Variants in TIAM1 observed in about 807,000 individuals in gnomAD.
TIAM1 encodes rho guanine nucleotide exchange factor TIAM1.
A neutral mutation model predicts 163.5 loss-of-function variants in TIAM1; 65 were observed. That is an observed-to-expected ratio of 0.40 (90% CI 0.33 to 0.49). The LOEUF is 0.49. TIAM1 is among the 20% of genes least tolerant of loss of function. The pLI is 0.77. For missense variants in TIAM1, 1,789 were observed against 2,044.7 expected (o/e 0.87, Z 2.41); for synonymous variants, 833 against 810.1 (o/e 1.03, Z -0.48).
rs558266931 is a variant in TIAM1, at chr21:31,539,240, A to G, written c.-422+19687T>C. Among the ~76,000 whole-genome samples the G allele has an allele frequency of 1.2e-4, 18 of 150,608 alleles. 1 individual carries two copies. The South Asian group carries it at 3.3e-3, about 28-fold the overall frequency. On this transcript the variant is annotated intron_variant, in intron 1 of 28. Coordinates refer to the TIAM1 transcript ENST00000286827. ...ATTCTGAGGCACTGGATTGTATTAA[A>G]TGACAGGGGAAGAGAGGGAATGGGT...
intron 2 of TIAM1, among the ~76,000 whole-genome samples, chr21:31,438,724 TC>T (rs1419434986): frequency 1.3e-5 from 2 of 152,202 alleles, no homozygotes; most frequent in Non-Finnish European, 2.9e-5. Flanking sequence ...AAAGTCTCTG[TC>T]TCAGTGCTAT....
chr21:31,210,590 G>GAAAGAAAGAA (rs2086697454), intron 10 of TIAM1, among the ~76,000 whole-genome samples: 1 of 105,326 alleles, frequency 9.5e-6, no homozygotes, highest in African/African-American at 5.1e-5. Context: ...AAGAAAGAAA[G>GAAAGAAAGAA]AAAGAGAGAA....
intron 19 of TIAM1, among the ~76,000 whole-genome samples, chr21:31,147,732 A>T (rs2083194744): frequency 7.0e-6 from 1 of 143,666 alleles, no homozygotes; most frequent in South Asian, 2.1e-4. Context: ...AAAATATATA[A>T]TATATAAAAA....
chr21:31,384,234 T>C (rs139490692), intron 2 of TIAM1, among the ~76,000 whole-genome samples: 206 of 150,340 alleles, frequency 1.4e-3, no homozygotes, highest in Non-Finnish European at 2.4e-3. Flanking sequence ...AGGATGGAAA[T>C]AGAAGTAATC....
chr21:31,226,042 G>T, intron 6 of TIAM1, 92 bp from the exon 7 acceptor site: 1 of 1,116,904 alleles, frequency 9.0e-7, no homozygotes, highest in Non-Finnish European at 1.3e-6. Context: ...CAATGCCTGG[G>T]AGTCGAGGTG....
intron 2 of TIAM1, among the ~76,000 whole-genome samples, chr21:31,287,953 G>C (rs573131547): frequency 6.6e-6 from 1 of 152,260 alleles, no homozygotes; most frequent in Non-Finnish European, 1.5e-5. Flanking sequence ...GGAGTAGTGA[G>C]AATGACAGGT....
chr21:31,388,410 G>A (rs2076915289), intron 2 of TIAM1, among the ~76,000 whole-genome samples: 1 of 152,092 alleles, frequency 6.6e-6, no homozygotes, highest in Non-Finnish European at 1.5e-5. Flanking sequence ...GGAGGCTGAG[G>A]CAGGAGGATC....
chr21:31,423,082 A>G (rs747517214), intron 2 of TIAM1, among the ~76,000 whole-genome samples: 21 of 145,380 alleles, frequency 1.4e-4, no homozygotes, highest in Non-Finnish European at 2.1e-4. Flanking sequence ...AACTGTGAAC[A>G]GCACTATCTT....
chr21:31,123,673 C>T (rs2082081007), intron 27 of TIAM1, among the ~76,000 whole-genome samples: 1 of 152,188 alleles, frequency 6.6e-6, no homozygotes, highest in African/African-American at 2.4e-5. Flanking sequence ...AGAAACTTTT[C>T]TGGCAAGTGC....
At chr21:31,334,538 C>T (rs758432637) in intron 2 of TIAM1, among the ~76,000 whole-genome samples, 19 of 152,156 alleles carry the variant, frequency 1.2e-4, no homozygotes, top group Non-Finnish European at 1.9e-4. Flanking sequence ...CACCTAACTG[C>T]GCTATCTTGA....
chr21:31,192,773 G>T (rs1284960222), intron 13 of TIAM1, among the ~76,000 whole-genome samples: 1 of 152,088 alleles, frequency 6.6e-6, no homozygotes, highest in African/African-American at 2.4e-5. Context: ...TGTGTGACTT[G>T]CTTTGGCCAA....
At chr21:31,125,029 T>G (rs1183456193) in intron 26 of TIAM1, among the ~76,000 whole-genome samples, 1 of 152,172 alleles carries the variant, frequency 6.6e-6, no homozygotes, top group African/African-American at 2.4e-5. Flanking sequence ...TAAAATGTTT[T>G]TGAGGGCAAA....
chr21:31,446,734 G>A (rs1428897876), intron 2 of TIAM1, among the ~76,000 whole-genome samples: 1 of 152,148 alleles, frequency 6.6e-6, no homozygotes, highest in Non-Finnish European at 1.5e-5. Context: ...AGCAGCAGCC[G>A]GGCCACGCTC....
chr21:31,333,703 G>C (rs566477871), intron 2 of TIAM1, among the ~76,000 whole-genome samples: 11 of 152,318 alleles, frequency 7.2e-5, no homozygotes, highest in African/African-American at 2.4e-4. Flanking sequence ...GCCTCCCAAA[G>C]TGCTGGGACT....
At chr21:31,323,688 G>C (rs965794579) in intron 2 of TIAM1, among the ~76,000 whole-genome samples, 2 of 151,908 alleles carry the variant, frequency 1.3e-5, no homozygotes, top group Non-Finnish European at 2.9e-5. Context: ...AAAATTAGCT[G>C]GGTATGGTGG....
At position 31,141,265 on chromosome 21, in the gene TIAM1, G is replaced by A. The variant is rs2082832448; in HGVS notation, c.3656-29C>T. On this transcript the variant is annotated intron_variant, in intron 21 of 27. Transcript: ENST00000541036. This position sits in a 1 kb window ranked among gnomAD's most constrained non-coding sequence, Gnocchi z 4.7. ...GAAGAAAACAGGTTGTGAAATGAGA[G>A]GCTATTTAGAGACCCTCATGGAGAC... 6.2e-7 allele frequency: 1 copy of A among 1,613,802 alleles called. No individual in the cohort carries two copies. Among genetic ancestry groups the A allele is most frequent in the Non-Finnish European group, 8.5e-7 (1 of 1,179,878 alleles).
intron 20 of TIAM1, among the ~76,000 whole-genome samples, chr21:31,142,359 T>C (rs896119386): frequency 2.7e-5 from 4 of 150,710 alleles, no homozygotes; most frequent in African/African-American, 9.8e-5. Flanking sequence ...GGCTCATGAA[T>C]GTAATCCTAG....
At chr21:31,265,704 A>T (rs2072718965) in intron 4 of TIAM1, among the ~76,000 whole-genome samples, 1 of 152,236 alleles carries the variant, frequency 6.6e-6, no homozygotes, top group African/African-American at 2.4e-5. Flanking sequence ...AATAAGTGGG[A>T]TGCTGTTGAA....
intron 5 of TIAM1, among the ~76,000 whole-genome samples, chr21:31,250,151 G>GAA (rs755928120): frequency 0.026 from 1,538 of 58,844 alleles, 57 homozygotes; most frequent in African/African-American, 0.079. Flanking sequence ...GTCTCAAACA[G>GAA]AAAAAAAAAA....
Sources: gnomAD v4.1 joint callset for allele counts (sites outside exome capture counted in the v4.1 genomes callset) on GRCh38, gnomAD v4.1.1 for gene constraint, Gnocchi (gnomAD v3.1) non-coding constraint, MANE v1.5 for transcripts, NCBI Gene and HGNC (gene_info 2026-07-23, HGNC 2026-07-21) for gene names.